Variants in PCDHA9 observed in about 807,000 individuals in gnomAD.
PCDHA9 encodes protocadherin alpha-9.
In PCDHA9, 62 loss-of-function variants were observed where a neutral mutation model predicts 62.0. The ratio of observed to expected loss-of-function variants is 1.00; its 90% confidence interval spans 0.81 to 1.23. The LOEUF is 1.23. PCDHA9 is among the 50% of genes most tolerant of loss of function. The probability of loss-of-function intolerance (pLI) is 0.00; values close to 1 mark genes in which losing one functional copy is unlikely to be tolerated. For missense variants in PCDHA9, 1,205 were observed against 1,249.8 expected, an observed-to-expected ratio of 0.96 and a Z score of 0.54; for synonymous variants, 557 against 567.6, an observed-to-expected ratio of 0.98 and a Z score of 0.27.
intron 1 of PCDHA9, among the ~76,000 whole-genome samples, chr5:140,941,270 T>C (rs1437273239): frequency 1.2e-4 from 17 of 136,774 alleles, no homozygotes; most frequent in Admixed American, 2.3e-4. Flanking sequence ...TCTTTCTTTC[T>C]TTCCTTCCTT....
rs2098417406 is a variant in PCDHA9, at chr5:141,010,474, G to A, written c.*537G>A. Reference sequence around the variant, plus strand: ...CGGAAGTTATCAGTATGGAGGGGAAGTGTAAACTTAAAGGGACCAGACTTT... The same window carrying A: ...CGGAAGTTATCAGTATGGAGGGGAAATGTAAACTTAAAGGGACCAGACTTT... On this transcript the variant is annotated 3_prime_UTR_variant, in exon 4 of 4. Transcript: ENST00000532602. The A allele has an allele frequency of 3.9e-6, 3 of 760,382 alleles. No individual in the cohort carries two copies. The highest frequency in any genetic ancestry group is 3.2e-5 in the Admixed American group (1 of 31,594). The allele number at this position is 760,382 out of a possible 1,614,324, so 47.1% of individuals were successfully genotyped here.
intron 1 of PCDHA9, chr5:140,857,310 A>G (rs781828328): frequency 6.3e-7 from 1 of 1,598,492 alleles, no homozygotes; most frequent in Non-Finnish European, 8.6e-7. Context: ...TCGGCCTATG[A>G]GCTGGTGGTG....
intron 1 of PCDHA9, among the ~76,000 whole-genome samples, chr5:140,920,261 A>T (rs535022961): frequency 3.3e-4 from 50 of 152,226 alleles, no homozygotes; most frequent in Non-Finnish European, 2.8e-4. Context: ...TATAATAATT[A>T]TTACTTTATG....
intron 1 of PCDHA9, among the ~76,000 whole-genome samples, chr5:140,943,172 C>T (rs1370908273): frequency 2.7e-5 from 4 of 148,068 alleles, no homozygotes; most frequent in African/African-American, 1.0e-4. Context: ...GCAGGAAAAT[C>T]GCTTGAACCC....
chr5:140,990,296 T>C (rs1231552034), intron 3 of PCDHA9, among the ~76,000 whole-genome samples: 12 of 152,300 alleles, frequency 7.9e-5, no homozygotes, highest in African/African-American at 2.9e-4. Flanking sequence ...ATCGATGCCA[T>C]TGTCTGTAAA....
Position 140,850,461 on chromosome 5 carries a change from G to T in PCDHA9, c.1966G>T (p.Glu656Ter). Reference sequence around the variant, plus strand: ...ACTGGTGCTGGTGAAAGACCACGGGGAGCCAGCGCTGACGGCCACGGCCAC... The same window carrying T: ...ACTGGTGCTGGTGAAAGACCACGGGTAGCCAGCGCTGACGGCCACGGCCAC... ...RLLVLVKDHGEPALTATATVL... is the reference protein window; with the variant it reads ...RLLVLVKDHG Residue 656 changes from glutamate (E) to a stop codon, truncating the protein, a stop_gained, in exon 1 of 4, where the codon GAG (glutamate) becomes TAG (stop). Transcript: ENST00000532602. LOFTEE classifies it high-confidence loss of function. The T allele has an allele frequency of 1.9e-6, 3 of 1,598,002 alleles. No individual in the cohort carries two copies. The East Asian group carries it at 6.7e-5, about 36-fold the overall frequency.
At chr5:140,864,945 C>G (rs2048665503) in intron 1 of PCDHA9, 1 of 152,120 alleles carries the variant, frequency 6.6e-6, no homozygotes, top group Non-Finnish European at 1.5e-5. Flanking sequence ...GGCCTGTAAT[C>G]CCAGCATTTT....
chr5:140,877,380 C>A, intron 1 of PCDHA9: 1 of 1,613,980 alleles, frequency 6.2e-7, no homozygotes, highest in Non-Finnish European at 8.5e-7. Context: ...CGACACGCAT[C>A]CTGGATGAGG....
intron 1 of PCDHA9, among the ~76,000 whole-genome samples, chr5:140,941,319 C>CTT (rs70988781): frequency 9.6e-6 from 1 of 104,394 alleles, no homozygotes; most frequent in African/African-American, 3.7e-5. Flanking sequence ...TCTTCTTTCT[C>CTT]TTTTTTTTTT....
At chr5:140,938,727 G>GA (rs2092176789) in intron 1 of PCDHA9, among the ~76,000 whole-genome samples, 1 of 151,904 alleles carries the variant, frequency 6.6e-6, no homozygotes, top group South Asian at 2.1e-4. Flanking sequence ...CGTTTCTACA[G>GA]AAAAAAATAA....
At chr5:140,967,188 TCAACGA>T in intron 1 of PCDHA9, 1 of 1,613,420 alleles carries the variant, frequency 6.2e-7, no homozygotes, top group Non-Finnish European at 8.5e-7. Flanking sequence ...ATATTGGACA[TCAACGA>T]CAACTCACCG....
intron 1 of PCDHA9, among the ~76,000 whole-genome samples, chr5:140,963,912 A>C (rs2095797972): frequency 6.6e-6 from 1 of 152,246 alleles, no homozygotes. Flanking sequence ...AGTGAAGCTT[A>C]GGCTAAGTAA....
At chr5:140,906,753 T>G (rs2072907402) in intron 1 of PCDHA9, among the ~76,000 whole-genome samples, 1 of 152,224 alleles carries the variant, frequency 6.6e-6, no homozygotes, top group Non-Finnish European at 1.5e-5. Context: ...CAGGGCATGG[T>G]AATACTAAGA....
chr5:140,968,134 G>C, intron 1 of PCDHA9: 1 of 1,614,146 alleles, frequency 6.2e-7, no homozygotes, highest in Non-Finnish European at 8.5e-7. Context: ...GTACACTGAA[G>C]GTTGAGATCT....
intron 1 of PCDHA9, chr5:140,928,747 C>T (rs781895762): frequency 2.5e-6 from 4 of 1,614,132 alleles, no homozygotes; most frequent in African/African-American, 2.7e-5. Context: ...AGGTGAGCTC[C>T]GTACTGCTCG....
rs782564165 is a variant in PCDHA9, at chr5:141,010,450, G to A, written c.*513G>A. ...AAGAAAACAAAGACAAATAAACAGC[G>A]GAAGTTATCAGTATGGAGGGGAAGT... On this transcript the variant is annotated 3_prime_UTR_variant, in exon 4 of 4. Transcript: ENST00000532602. The A allele has an allele frequency of 6.5e-6, 6 of 920,764 alleles. No individual in the cohort carries two copies. The East Asian group carries it at 8.2e-5, about 13-fold the overall frequency. 57.0% of individuals were successfully genotyped at this position (920,764 alleles called of 1,614,324 possible).
chr5:140,951,046 TA>T (rs1414168325), intron 1 of PCDHA9, among the ~76,000 whole-genome samples: 1 of 152,138 alleles, frequency 6.6e-6, no homozygotes, highest in Non-Finnish European at 1.5e-5. Context: ...ATTATATTTT[TA>T]TTGCTAAAAT....
intron 2 of PCDHA9, among the ~76,000 whole-genome samples, chr5:140,980,491 G>A (rs917181390): frequency 2.6e-5 from 4 of 152,132 alleles, no homozygotes; most frequent in Non-Finnish European, 5.9e-5. Flanking sequence ...TTAGCTGGGC[G>A]TGATGGCATG....
chr5:140,962,047 C>T (rs1288087343), intron 1 of PCDHA9, among the ~76,000 whole-genome samples: 2 of 151,982 alleles, frequency 1.3e-5, no homozygotes, highest in South Asian at 2.1e-4. Context: ...CCATGCCTGG[C>T]TAATTTTTTT....
Sources: allele counts gnomAD v4.1 joint callset (sites outside exome capture counted in the v4.1 genomes callset), GRCh38; gene constraint gnomAD v4.1.1; transcripts MANE v1.5; gene names NCBI Gene and HGNC (gene_info 2026-07-23, HGNC 2026-07-21).